Variants in TMPRSS7 observed in about 807,000 individuals in gnomAD.
The protein encoded by TMPRSS7 is transmembrane protease serine 7.
TMPRSS7 carries 81 observed loss-of-function variants against 95.6 expected under a neutral mutation model. The observed-to-expected ratio is 0.85, with a 90% CI of 0.71 to 1.02. The LOEUF (loss-of-function observed/expected upper bound fraction) is 1.02. Among genes scored for constraint, TMPRSS7 ranks in the 50% least tolerant of loss-of-function variants. The probability of loss-of-function intolerance (pLI) is 0.00; values close to 1 mark genes in which losing one functional copy is unlikely to be tolerated. For synonymous variants in TMPRSS7, 364 were observed against 337.8 expected, an observed-to-expected ratio of 1.08 and a Z score of -0.85; for missense variants, 945 against 955.2, an observed-to-expected ratio of 0.99 and a Z score of 0.14.
chr3:112,045,731 C>T lies in TMPRSS7; in HGVS notation c.498-19C>T, dbSNP rs955941842. The T allele has an allele frequency of 1.3e-6, 2 of 1,535,276 alleles. No homozygotes were observed. Among genetic ancestry groups the T allele is most frequent in the Non-Finnish European group, 1.8e-6 (2 of 1,138,862 alleles). On this transcript the variant is annotated intron_variant, in intron 4 of 17. Transcript: ENST00000452346. ...AAAGTCCTATGAGGTCCCTGATGAT[C>T]TCTCTTTTTTCGTTATAGCAGCAAC...
At chr3:112,045,637 C>A (rs974084602) in intron 4 of TMPRSS7, 113 bp from the exon 5 acceptor site, 1 of 1,001,938 alleles carries the variant, frequency 1.0e-6, no homozygotes, top group Non-Finnish European at 1.4e-6. Flanking sequence ...AAGAAGGGAG[C>A]TAGCTTCAGT....
intron 8 of TMPRSS7, 143 bp from the exon 9 acceptor site, chr3:112,050,528 A>AAAAAAAAAC (rs1553763203): frequency 5.6e-6 from 2 of 355,726 alleles, no homozygotes; most frequent in East Asian, 4.5e-5. Context: ...TTCTGAAAAA[A>AAAAAAAAAC]AAAAAAAAAA....
intron 10 of TMPRSS7, among the ~76,000 whole-genome samples, chr3:112,060,220 G>A (rs554673496): frequency 6.6e-6 from 1 of 152,320 alleles, no homozygotes; most frequent in African/African-American, 2.4e-5. Context: ...AATGGAGGCA[G>A]GGCGAGATCA....
chr3:112,055,454 G>GACACACAC (rs142185504), intron 9 of TMPRSS7, among the ~76,000 whole-genome samples: 2,006 of 148,936 alleles, frequency 0.013, 40 homozygotes, highest in African/African-American at 0.042. Context: ...CACTTGCGCA[G>GACACACAC]ACACACACAC....
At chr3:112,047,692 A>C in intron 6 of TMPRSS7, 47 bp from the exon 7 acceptor site, 2 of 1,404,214 alleles carry the variant, frequency 1.4e-6, no homozygotes, top group Non-Finnish European at 2.0e-6. Flanking sequence ...TATAAAAGTC[A>C]TTCCTAAAAA....
At chr3:112,068,614 G>C (rs1052320066) in intron 13 of TMPRSS7, among the ~76,000 whole-genome samples, 9 of 152,124 alleles carry the variant, frequency 5.9e-5, no homozygotes, top group African/African-American at 2.2e-4. Context: ...CCCATGATTT[G>C]GCTCTCTGTT....
intron 16 of TMPRSS7, 142 bp downstream of exon 16, chr3:112,077,286 G>C: frequency 1.1e-6 from 1 of 891,182 alleles, no homozygotes; most frequent in Non-Finnish European, 1.7e-6. Context: ...TGGATTGGAG[G>C]AGGGTACTGT....
exon 16 of TMPRSS7, chr3:112,077,088 G>C (rs752618516): frequency 1.9e-6 from 3 of 1,614,212 alleles, no homozygotes; most frequent in Non-Finnish European, 2.5e-6. Flanking sequence ...ACTGGTCAGA[G>C]AGTTCGCAGT....
At chr3:112,062,620 T>C (rs73856305) in intron 11 of TMPRSS7, among the ~76,000 whole-genome samples, 6,735 of 152,266 alleles carry the variant, frequency 0.044, 434 homozygotes, top group African/African-American at 0.14. Context: ...CCCTAATAGA[T>C]CTTCTTCTAG....
chr3:112,041,587 G>C (rs2073209409), intron 2 of TMPRSS7, among the ~76,000 whole-genome samples: 1 of 152,054 alleles, frequency 6.6e-6, no homozygotes, highest in Non-Finnish European at 1.5e-5. Flanking sequence ...TATTCCTTCA[G>C]AGAGCCCATA....
chr3:112,035,722 A>G (rs1009213805), intron 1 of TMPRSS7, among the ~76,000 whole-genome samples: 1 of 152,208 alleles, frequency 6.6e-6, no homozygotes, highest in Non-Finnish European at 1.5e-5. Context: ...AATGAAGCTA[A>G]ACTCTTGAAT....
intron 15 of TMPRSS7, 98 bp from the exon 16 acceptor site, chr3:112,076,778 C>A: frequency 7.1e-7 from 1 of 1,399,314 alleles, no homozygotes; most frequent in Non-Finnish European, 9.8e-7. Flanking sequence ...GGAAGTCAGG[C>A]CCTTCTTTTT....
rs928594868 is a variant in TMPRSS7, at chr3:112,039,500, G to A, written c.298+1179G>A. ...AGGTAACCAGAGAAACCAACCACAT[G>A]CTTAGAGGATTGTAACTTTCAAGAG... is the stretch of plus-strand genomic sequence containing the variant. On this transcript the variant is annotated intron_variant, in intron 2 of 17. Coordinates refer to ENST00000452346, the Ensembl canonical transcript of TMPRSS7. 55 of 138,654 alleles carry A rather than the reference G, an allele frequency of 4.0e-4. 1 individual carries two copies. Among genetic ancestry groups the A allele is most frequent in the African/African-American group, 1.4e-3 (54 of 39,550 alleles). The allele number at this position is 138,654 out of a possible 1,614,324, so 8.6% of individuals were successfully genotyped here.
At chr3:112,046,196 C>A (rs1280076670) in intron 5 of TMPRSS7, among the ~76,000 whole-genome samples, 2 of 152,176 alleles carry the variant, frequency 1.3e-5, no homozygotes, top group Non-Finnish European at 2.9e-5. Context: ...CCTCTACCTA[C>A]CTTTATTCAG....
At position 112,034,963 on chromosome 3, in the gene TMPRSS7, A is replaced by G. The variant is rs115606328; in HGVS notation, c.48+70A>G. ...TTGTTGACCCTGTTAGTAAAATGAG[A>G]TTGTATGACCTTATAAACATAAAGG... is the stretch of plus-strand genomic sequence containing the variant. On this transcript the variant is annotated intron_variant, in intron 1 of 17. Transcript: ENST00000452346. 1,100 of 699,310 alleles carry G rather than the reference A, an allele frequency of 1.6e-3. 11 individuals carry two copies. In the African/African-American group the frequency reaches 0.018, roughly 11 times the overall value. The allele number at this position is 699,310 out of a possible 1,614,324, so 43.3% of individuals were successfully genotyped here. A position where few individuals can be genotyped will look rare whatever the true frequency, so the allele number is the denominator to read the frequency against.
At chr3:112,043,523 C>T (rs1156294478) in intron 3 of TMPRSS7, among the ~76,000 whole-genome samples, 3 of 151,960 alleles carry the variant, frequency 2.0e-5, no homozygotes, top group African/African-American at 4.8e-5. Context: ...ATTTAAATTT[C>T]ACAGCTTATA....
intron 1 of TMPRSS7, among the ~76,000 whole-genome samples, chr3:112,036,563 T>C (rs1214312793): frequency 6.7e-6 from 1 of 149,052 alleles, no homozygotes; most frequent in Non-Finnish European, 1.5e-5. Context: ...AGCAAAACTC[T>C]GTCAAAAAAA....
chr3:112,075,952 C>T (rs965381636), intron 15 of TMPRSS7, among the ~76,000 whole-genome samples: 6 of 151,958 alleles, frequency 3.9e-5, no homozygotes, highest in Admixed American at 1.3e-4. Flanking sequence ...AAATCATTCA[C>T]TTCTCATTCT....
At chr3:112,047,500 T>G (rs573820189) in intron 6 of TMPRSS7, 107 of 635,076 alleles carry the variant, frequency 1.7e-4, no homozygotes, top group Non-Finnish European at 2.8e-4. Flanking sequence ...CTGGGTTATG[T>G]GCCCACCTCT....
Sources: gnomAD v4.1 joint callset for allele counts (sites outside exome capture counted in the v4.1 genomes callset) on GRCh38, gnomAD v4.1.1 for gene constraint, MANE v1.5 for transcripts, NCBI Gene and HGNC (gene_info 2026-07-23, HGNC 2026-07-21) for gene names.